CCDC85A: variants seen among roughly 807,000 people sequenced by gnomAD.
The protein encoded by CCDC85A is coiled-coil domain-containing protein 85A.
Under a neutral mutation model 50.2 loss-of-function variants are expected in CCDC85A, and 38 were observed. That is an observed-to-expected ratio of 0.76 (90% CI 0.58 to 0.99). The LOEUF is 0.99. Among genes scored for constraint, CCDC85A ranks in the 50% least tolerant of loss-of-function variants. The probability of loss-of-function intolerance (pLI) is 0.00; values close to 1 mark genes in which losing one functional copy is unlikely to be tolerated. For missense variants in CCDC85A, 820 were observed against 742.0 expected (o/e 1.11, Z -1.22); for synonymous variants, 366 against 301.4 (o/e 1.21, Z -2.22).
chr2:56,269,087 T>C (rs1439981885), intron 2 of CCDC85A, among the ~76,000 whole-genome samples: 1 of 152,196 alleles, frequency 6.6e-6, no homozygotes, highest in Non-Finnish European at 1.5e-5. Flanking sequence ...TCATCCCTTC[T>C]TGGTGCTGAA....
intron 2 of CCDC85A, among the ~76,000 whole-genome samples, chr2:56,293,364 C>CTA (rs1185025095): frequency 6.6e-6 from 1 of 152,120 alleles, no homozygotes; most frequent in Non-Finnish European, 1.5e-5. Flanking sequence ...AAGTCCGAAA[C>CTA]TATAAAAACC....
chr2:56,297,393 CTTTT>C (rs72027842), intron 2 of CCDC85A, among the ~76,000 whole-genome samples: 1 of 136,290 alleles, frequency 7.3e-6, no homozygotes, highest in African/African-American at 2.7e-5. Flanking sequence ...TTGTACGAGC[CTTTT>C]TTTTTTTTTT....
At chr2:56,337,641 C>T (rs1009206147) in intron 2 of CCDC85A, among the ~76,000 whole-genome samples, 1 of 152,162 alleles carries the variant, frequency 6.6e-6, no homozygotes, top group Non-Finnish European at 1.5e-5. Context: ...TTCAGTTTCT[C>T]CTTCGTAAGA....
At chr2:56,244,937 C>T (rs1423502534) in intron 2 of CCDC85A, among the ~76,000 whole-genome samples, 4 of 151,992 alleles carry the variant, frequency 2.6e-5, no homozygotes, top group African/African-American at 9.7e-5. Context: ...AGCTGGTATC[C>T]AACTTTCAGA....
At chr2:56,329,945 G>GTTTTTTTTTTTTTTTTTTTTTT (rs535050957) in intron 2 of CCDC85A, among the ~76,000 whole-genome samples, 2 of 44,162 alleles carry the variant, frequency 4.5e-5, no homozygotes, top group Admixed American at 3.1e-4. Flanking sequence ...CAGATTTCCT[G>GTTTTTTTTTTTTTTTTTTTTTT]TTTTTTTTTT....
At chr2:56,299,363 G>T (rs1290755843) in intron 2 of CCDC85A, among the ~76,000 whole-genome samples, 1 of 152,146 alleles carries the variant, frequency 6.6e-6, no homozygotes, top group Non-Finnish European at 1.5e-5. Flanking sequence ...CTGCATGGAT[G>T]CCCCCTGCTG....
At chr2:56,333,298 G>A (rs1383290316) in intron 2 of CCDC85A, among the ~76,000 whole-genome samples, 4 of 152,148 alleles carry the variant, frequency 2.6e-5, no homozygotes, top group Admixed American at 6.5e-5. Context: ...AGGTGAGGAA[G>A]TTAGCCAAAC....
intron 2 of CCDC85A, among the ~76,000 whole-genome samples, chr2:56,200,916 C>A (rs943094482): frequency 3.3e-5 from 5 of 151,648 alleles, no homozygotes; most frequent in African/African-American, 1.2e-4. Flanking sequence ...AATGAAACTT[C>A]AGGAATTATA....
At chr2:56,246,704 A>G (rs955525766) in intron 2 of CCDC85A, among the ~76,000 whole-genome samples, 9 of 152,170 alleles carry the variant, frequency 5.9e-5, no homozygotes, top group African/African-American at 1.9e-4. Context: ...TTCTGACTCA[A>G]TTATATTTAG....
intron 3 of CCDC85A, among the ~76,000 whole-genome samples, chr2:56,359,554 A>G (rs906055248): frequency 6.6e-6 from 1 of 152,198 alleles, no homozygotes; most frequent in Non-Finnish European, 1.5e-5. Flanking sequence ...TAGATACCAC[A>G]TAGGCAGCAG....
chr2:56,298,233 G>A (rs1251759000), intron 2 of CCDC85A, among the ~76,000 whole-genome samples: 4 of 152,266 alleles, frequency 2.6e-5, no homozygotes, highest in Middle Eastern at 6.8e-3. Flanking sequence ...GGGAATGCGC[G>A]GGACTGAAAT....
At chr2:56,272,961 G>C (rs1244674833) in intron 2 of CCDC85A, among the ~76,000 whole-genome samples, 1 of 152,142 alleles carries the variant, frequency 6.6e-6, no homozygotes, top group Non-Finnish European at 1.5e-5. Context: ...GAGAGAGGAA[G>C]TGAAGCCAAG....
At position 56,348,247 on chromosome 2, in the gene CCDC85A, T is replaced by C. The variant is rs962235500; in HGVS notation, c.1317+5292T>C. Among the ~76,000 whole-genome samples the C allele has an allele frequency of 1.5e-4, 23 of 152,294 alleles. 1 individual carries two copies. The East Asian group carries it at 4.3e-3, about 28-fold the overall frequency. On this transcript the variant is annotated intron_variant, in intron 3 of 5. Coordinates refer to ENST00000407595, the MANE Select transcript of CCDC85A (RefSeq NM_001080433.2). The stretch of plus-strand genomic sequence containing the variant: ...CTTGGAAAGCAGTATATATTCGTTG[T>C]GCTCAGAGACCCTCCCCAGAACAAA...
At chr2:56,200,784 C>G (rs1459648416) in intron 2 of CCDC85A, among the ~76,000 whole-genome samples, 1 of 151,972 alleles carries the variant, frequency 6.6e-6, no homozygotes, top group Non-Finnish European at 1.5e-5. Context: ...ACCATTTTTA[C>G]ATAGTAAAAT....
chr2:56,315,517 C>G (rs1006021019), intron 2 of CCDC85A, among the ~76,000 whole-genome samples: 22 of 152,202 alleles, frequency 1.4e-4, no homozygotes, highest in Middle Eastern at 3.4e-3. Context: ...GGATATCAAC[C>G]AAATGCCCTC....
In CCDC85A at chr2:56,184,158, G is replaced by A. The variant is rs549225112; in HGVS notation, c.-467G>A. On this transcript the variant is annotated 5_prime_UTR_variant, in exon 1 of 6. Coordinates refer to ENST00000407595, the MANE Select transcript of CCDC85A (RefSeq NM_001080433.2). ...GCCCGGCGCGCCCTCCAAGCTAGGAGAGGGGAGAAGCCGGGGGCTGCAGCT... is the reference window on the plus strand; with the variant it reads ...GCCCGGCGCGCCCTCCAAGCTAGGAAAGGGGAGAAGCCGGGGGCTGCAGCT... The A allele has an allele frequency of 1.0e-6, 1 of 986,416 alleles. No individual in the cohort carries two copies. Among genetic ancestry groups the A allele is most frequent in the Non-Finnish European group, 1.2e-6 (1 of 830,794 alleles). The allele number at this position is 986,416 out of a possible 1,614,324, so 61.1% of individuals were successfully genotyped here.
chr2:56,330,244 G>T (rs1158285949), intron 2 of CCDC85A, among the ~76,000 whole-genome samples: 1 of 151,986 alleles, frequency 6.6e-6, no homozygotes, highest in Non-Finnish European at 1.5e-5. Flanking sequence ...AATATTTTCC[G>T]TATAGTCCCC....
chr2:56,256,685 A>G (rs1669997851), intron 2 of CCDC85A, among the ~76,000 whole-genome samples: 1 of 152,134 alleles, frequency 6.6e-6, no homozygotes, highest in Non-Finnish European at 1.5e-5. Context: ...GTTTCATTGG[A>G]TTTGACTCCC....
chr2:56,374,329 G>T (rs1441243020), intron 4 of CCDC85A, among the ~76,000 whole-genome samples: 3 of 152,062 alleles, frequency 2.0e-5, no homozygotes, highest in Non-Finnish European at 4.4e-5. Context: ...GAGCCTTTGA[G>T]GACATAGGAG....
Sources: allele counts gnomAD v4.1 joint callset (sites outside exome capture counted in the v4.1 genomes callset), GRCh38; gene constraint gnomAD v4.1.1; transcripts MANE v1.5; gene names NCBI Gene and HGNC (gene_info 2026-07-23, HGNC 2026-07-21).